Variants in MICU2 observed in about 807,000 individuals in gnomAD.
MICU2 encodes calcium uptake protein 2, mitochondrial.
A neutral mutation model predicts 60.4 loss-of-function variants in MICU2; 64 were observed. The observed-to-expected ratio is 1.06, with a 90% CI of 0.87 to 1.31. The LOEUF (loss-of-function observed/expected upper bound fraction) is 1.31, where lower values mean the gene tolerates loss of function less well. MICU2 is among the 50% of genes most tolerant of loss of function. The pLI is 0.00. For missense variants in MICU2, 569 were observed against 531.0 expected (o/e 1.07, Z -0.70); for synonymous variants, 201 against 175.0 (o/e 1.15, Z -1.17).
intron 1 of MICU2, among the ~76,000 whole-genome samples, chr13:21,572,675 C>T (rs190445897): frequency 1.9e-3 from 292 of 152,214 alleles, no homozygotes; most frequent in African/African-American, 6.4e-3. Flanking sequence ...ATGCCTAAGG[C>T]TTTTTTCCTT....
intron 2 of MICU2, chr13:21,551,170 T>C (rs1593340021): frequency 6.5e-6 from 1 of 152,848 alleles, no homozygotes; most frequent in Admixed American, 6.5e-5. Flanking sequence ...TGTCATATGC[T>C]CTTGGCTAAT....
chr13:21,595,811 G>A (rs887966276), intron 1 of MICU2, among the ~76,000 whole-genome samples: 1 of 152,228 alleles, frequency 6.6e-6, no homozygotes, highest in African/African-American at 2.4e-5. Flanking sequence ...TTGGGGTGGA[G>A]GAGGATACCT....
intron 4 of MICU2, among the ~76,000 whole-genome samples, chr13:21,536,264 GTTA>G (rs1887128281): frequency 6.6e-6 from 1 of 152,004 alleles, no homozygotes; most frequent in African/African-American, 2.4e-5. Flanking sequence ...ATTTTATGGA[GTTA>G]TTATACCTTT....
chr13:21,532,898 T>C (rs1033950150), intron 4 of MICU2, among the ~76,000 whole-genome samples: 1 of 151,616 alleles, frequency 6.6e-6, no homozygotes, highest in African/African-American at 2.4e-5. Context: ...AAAGGAAAAA[T>C]TTTTTACTCT....
chr13:21,560,618 C>CA (rs34665060), intron 2 of MICU2, among the ~76,000 whole-genome samples: 4 of 141,690 alleles, frequency 2.8e-5, no homozygotes, highest in African/African-American at 1.0e-4. Flanking sequence ...ATCAGCTTGT[C>CA]AAAAAACACA....
chr13:21,561,833 G>T (rs1177662996), intron 2 of MICU2, among the ~76,000 whole-genome samples: 1 of 145,330 alleles, frequency 6.9e-6, no homozygotes, highest in Non-Finnish European at 1.5e-5. Flanking sequence ...TTAGCATTAG[G>T]TATATCTCCT....
intron 2 of MICU2, among the ~76,000 whole-genome samples, chr13:21,556,825 G>C (rs962450241): frequency 6.6e-6 from 1 of 152,158 alleles, no homozygotes; most frequent in South Asian, 2.1e-4. Context: ...AAAGCAGCAA[G>C]AGTTGAGAAG....
At chr13:21,580,411 C>T (rs987110649) in intron 1 of MICU2, among the ~76,000 whole-genome samples, 6 of 152,122 alleles carry the variant, frequency 3.9e-5, no homozygotes, top group African/African-American at 1.4e-4. Flanking sequence ...GGTAATCTTT[C>T]CCTTTTAAAA....
rs148251605 is a variant in MICU2, at chr13:21,524,800, C to A, written c.467-2150G>T. On this transcript the variant is annotated intron_variant, in intron 4 of 11. Transcript: ENST00000382374. The stretch of plus-strand genomic sequence containing the variant: ...CACCCATTCCTGCCTCTGGCCCCTG[C>A]AACCTCTATTCCGCTTTCTGTCTCT... Among the ~76,000 whole-genome samples the A allele has an allele frequency of 3.8e-3, 582 of 152,304 alleles. 5 individuals are homozygous for A. The highest frequency in any genetic ancestry group is 6.5e-3 in the Non-Finnish European group (444 of 68,028).
intron 1 of MICU2, among the ~76,000 whole-genome samples, chr13:21,587,018 T>A (rs749197596): frequency 5.3e-5 from 8 of 152,188 alleles, no homozygotes; most frequent in Admixed American, 5.2e-4. Context: ...AGGAAAATTA[T>A]CTGTCATTTT....
chr13:21,522,378 C>G (rs1304425752), intron 5 of MICU2, among the ~76,000 whole-genome samples: 1 of 152,186 alleles, frequency 6.6e-6, no homozygotes. Flanking sequence ...TCTAGTTCAA[C>G]AAACTTCCTA....
rs757472370 is a variant in MICU2 at position 21,539,321 on chromosome 13, G to A, written c.447C>T (p.Phe149=). Residue 149 remains phenylalanine, a synonymous_variant, in exon 4 of 12, where the codon TTC becomes TTT. Coordinates refer to ENST00000382374, the MANE Select transcript of MICU2 (RefSeq NM_152726.3). ...IQTAGCGSTF[F]RDLGDKGLIS... ...AATTACCTTTATCGCCAAGGTCTCT[G>A]AAAAAAGTTGATCCACAGCCAGCTG... 1.9e-6 allele frequency: 3 copies of A among 1,613,906 alleles called. No homozygotes were observed. The highest frequency in any genetic ancestry group is 1.3e-5 in the African/African-American group (1 of 75,006).
intron 1 of MICU2, among the ~76,000 whole-genome samples, chr13:21,586,091 A>T (rs980438516): frequency 6.6e-6 from 1 of 152,164 alleles, no homozygotes; most frequent in Middle Eastern, 3.2e-3. Flanking sequence ...AATTGGTCCT[A>T]TATTTATCAT....
chr13:21,514,089 T>C (rs2095701011), intron 7 of MICU2, among the ~76,000 whole-genome samples: 1 of 152,226 alleles, frequency 6.6e-6, no homozygotes, highest in Non-Finnish European at 1.5e-5. Context: ...GTTAAGTGAT[T>C]GTCACTGTGC....
chr13:21,519,156 A>G (rs762069589), intron 6 of MICU2, among the ~76,000 whole-genome samples: 9 of 152,134 alleles, frequency 5.9e-5, no homozygotes, highest in Non-Finnish European at 1.0e-4. Flanking sequence ...TCCTGGGTTC[A>G]AACGATTCTC....
chr13:21,582,080 T>C lies in MICU2; in HGVS notation c.211-15136A>G, dbSNP rs77588108. 2.6e-3 allele frequency among the ~76,000 whole-genome samples: 401 copies of C among 152,306 alleles called. 3 individuals are homozygous for C. The highest frequency in any genetic ancestry group is 8.5e-3 in the African/African-American group (355 of 41,554). Reference sequence around the variant, plus strand: ...TAAGTGGCCATCACATTAACTATGATAAATACTTATAGCTTTTAGTAGAGA... The same window carrying C: ...TAAGTGGCCATCACATTAACTATGACAAATACTTATAGCTTTTAGTAGAGA... On this transcript the variant is annotated intron_variant, in intron 1 of 11. Coordinates refer to ENST00000382374, the MANE Select transcript of MICU2 (RefSeq NM_152726.3).
chr13:21,582,127 G>T (rs1888360772), intron 1 of MICU2, among the ~76,000 whole-genome samples: 1 of 152,178 alleles, frequency 6.6e-6, no homozygotes, highest in African/African-American at 2.4e-5. Context: ...AGAAATACGG[G>T]TGACAAGAGA....
chr13:21,600,030 G>T (rs189426019), intron 1 of MICU2, among the ~76,000 whole-genome samples: 6 of 152,266 alleles, frequency 3.9e-5, no homozygotes, highest in Admixed American at 3.3e-4. Context: ...CAAAATTTTT[G>T]TCGATGAAAT....
At chr13:21,575,941 T>C (rs555523420) in intron 1 of MICU2, among the ~76,000 whole-genome samples, 8 of 152,258 alleles carry the variant, frequency 5.3e-5, no homozygotes, top group African/African-American at 1.4e-4. Flanking sequence ...CATTATCAAT[T>C]TATTTAATAA....
Sources: gnomAD v4.1 joint callset for allele counts (sites outside exome capture counted in the v4.1 genomes callset) on GRCh38, gnomAD v4.1.1 for gene constraint, MANE v1.5 for transcripts, NCBI Gene and HGNC (gene_info 2026-07-23, HGNC 2026-07-21) for gene names.